KCNB2: variants seen among roughly 807,000 people sequenced by gnomAD.
KCNB2 encodes the protein delayed rectifier potassium channel protein.
Under a neutral mutation model 61.5 loss-of-function variants are expected in KCNB2, and 15 were observed. That is an observed-to-expected ratio of 0.24 (90% CI 0.16 to 0.38). The LOEUF is 0.38. Among genes scored for constraint, KCNB2 ranks in the 10% least tolerant of loss-of-function variants. The pLI is 1.00. For missense variants in KCNB2, 828 were observed against 1,125.2 expected (o/e 0.74, Z 3.78); for synonymous variants, 457 against 446.0 (o/e 1.02, Z -0.31).
chr8:72,718,871 T>G (rs1021534612), intron 2 of KCNB2, among the ~76,000 whole-genome samples: 19 of 152,278 alleles, frequency 1.2e-4, no homozygotes, highest in African/African-American at 4.6e-4. Flanking sequence ...CCCCTCTTTC[T>G]TCTGAATAAG....
intron 1 of KCNB2, among the ~76,000 whole-genome samples, chr8:72,561,723 A>ATATATGTGTG: frequency 3.1e-5 from 1 of 31,774 alleles, no homozygotes; most frequent in African/African-American, 2.8e-4. Flanking sequence ...ATATATATAT[A>ATATATGTGTG]TATATCTATA....
At chr8:72,697,969 G>A (rs540308420) in intron 2 of KCNB2, among the ~76,000 whole-genome samples, 1 of 152,152 alleles carries the variant, frequency 6.6e-6, no homozygotes, top group East Asian at 1.9e-4. Context: ...AAGCCCTCCA[G>A]GTGATCCTGA....
At chr8:72,933,962 T>C (rs924692350) in intron 2 of KCNB2, among the ~76,000 whole-genome samples, 5 of 152,320 alleles carry the variant, frequency 3.3e-5, no homozygotes, top group Admixed American at 6.5e-5. Flanking sequence ...AATAAAACAC[T>C]GCACTTTAAG....
At chr8:72,552,799 T>C (rs1204179425) in intron 1 of KCNB2, among the ~76,000 whole-genome samples, 1 of 152,150 alleles carries the variant, frequency 6.6e-6, no homozygotes, top group Non-Finnish European at 1.5e-5. Context: ...TGAAGTATTG[T>C]ACACATGTAG....
intron 2 of KCNB2, among the ~76,000 whole-genome samples, chr8:72,607,224 G>C (rs1264221067): frequency 6.6e-6 from 1 of 152,150 alleles, no homozygotes; most frequent in Non-Finnish European, 1.5e-5. Context: ...AGGAGCAGCA[G>C]TATTGGTGTG....
rs185726130 is a variant in KCNB2, at chr8:72,769,256, G to A, written c.580-166679G>A. Among the ~76,000 whole-genome samples, 323 of 152,018 alleles carry A rather than the reference G, an allele frequency of 2.1e-3. 2 individuals are homozygous for A. The highest frequency in any genetic ancestry group is 7.6e-3 in the African/African-American group (313 of 41,456). ...AAAAGATTCACTGCAAACTAGATAA[G>A]GTGGATATGTATGCTGGACACTGTT... On this transcript the variant is annotated intron_variant, in intron 2 of 2. Coordinates refer to ENST00000523207, the MANE Select transcript of KCNB2 (RefSeq NM_004770.3).
Position 72,764,189 on chromosome 8 carries a change from C to T in KCNB2, c.580-171746C>T, listed in dbSNP as rs181393922. ...CCTGAGAGTTGGCAGAGCACAGTGACGGAGAAAGGCAGGATGGATAAGATG... is the reference window on the plus strand; with the variant it reads ...CCTGAGAGTTGGCAGAGCACAGTGATGGAGAAAGGCAGGATGGATAAGATG... On this transcript the variant is annotated intron_variant, in intron 2 of 2. Coordinates refer to ENST00000523207, the MANE Select transcript of KCNB2 (RefSeq NM_004770.3). Among the ~76,000 whole-genome samples the T allele has an allele frequency of 2.5e-3, 381 of 152,178 alleles. 2 individuals are homozygous for T. Among genetic ancestry groups the T allele is most frequent in the African/African-American group, 8.9e-3 (368 of 41,496 alleles).
At chr8:72,664,281 T>G (rs770419960) in intron 2 of KCNB2, among the ~76,000 whole-genome samples, 1 of 152,154 alleles carries the variant, frequency 6.6e-6, no homozygotes, top group African/African-American at 2.4e-5. Context: ...AGGGATTACG[T>G]AAAGGTAAAG....
intron 2 of KCNB2, among the ~76,000 whole-genome samples, chr8:72,687,493 T>C (rs973958901): frequency 2.0e-5 from 3 of 152,158 alleles, no homozygotes; most frequent in African/African-American, 7.2e-5. Context: ...GTATGCTTTC[T>C]TGGGGTGGAC....
intron 2 of KCNB2, among the ~76,000 whole-genome samples, chr8:72,929,870 T>C (rs1259472967): frequency 3.3e-5 from 5 of 151,996 alleles, no homozygotes; most frequent in Admixed American, 6.6e-5. Context: ...TACATATGTA[T>C]ACATATGCCA....
At position 72,936,557 on chromosome 8, in the gene KCNB2, G is replaced by T; in HGVS notation, c.1202G>T (p.Cys401Phe). 1 of 1,614,210 alleles carries T rather than the reference G, an allele frequency of 6.2e-7. No homozygotes were observed. The highest frequency in any genetic ancestry group is 8.5e-7 in the Non-Finnish European group (1 of 1,180,028). The change falls in exon 3 of 3, where the codon TGC (cysteine) becomes TTC (phenylalanine). Residue 401 changes from cysteine (C) to phenylalanine (F), a missense_variant. Cys to Phe is a radical substitution (Grantham distance 205, BLOSUM62 -2). Transcript: ENST00000523207. The surrounding 1 kb of genome is among the most constrained non-coding windows in gnomAD (Gnocchi z 5.6). ...TLLGKIVGGL[C>F]CIAGVLVIAL... ...CTAGGGAAAATTGTGGGAGGTCTGT[G>T]CTGTATTGCTGGGGTTCTGGTTATT...
At chr8:72,670,086 C>A (rs748603571) in intron 2 of KCNB2, among the ~76,000 whole-genome samples, 1 of 152,190 alleles carries the variant, frequency 6.6e-6, no homozygotes, top group Non-Finnish European at 1.5e-5. Flanking sequence ...ACAAGACTAT[C>A]TCCAAATTGC....
chr8:72,820,125 C>T (rs1274557171), intron 2 of KCNB2, among the ~76,000 whole-genome samples: 1 of 152,106 alleles, frequency 6.6e-6, no homozygotes, highest in Non-Finnish European at 1.5e-5. Flanking sequence ...CCTCATCAAC[C>T]GCTCATCCCC....
intron 2 of KCNB2, among the ~76,000 whole-genome samples, chr8:72,792,704 G>A (rs575468104): frequency 1.5e-3 from 226 of 152,286 alleles, no homozygotes; most frequent in Admixed American, 3.3e-3. Context: ...GGTACAACTA[G>A]AGTTGGAAAC....
At chr8:72,602,923 T>C (rs1805376341) in intron 2 of KCNB2, among the ~76,000 whole-genome samples, 1 of 151,830 alleles carries the variant, frequency 6.6e-6, no homozygotes, top group Non-Finnish European at 1.5e-5. Flanking sequence ...AATGAATTAG[T>C]CAACTTAGTT....
At chr8:72,808,476 GA>G (rs894455005) in intron 2 of KCNB2, among the ~76,000 whole-genome samples, 5 of 152,138 alleles carry the variant, frequency 3.3e-5, no homozygotes, top group African/African-American at 4.8e-5. Flanking sequence ...TTTCTTGAAT[GA>G]AAACTGTTCA....
At chr8:72,715,311 C>T (rs188915461) in intron 2 of KCNB2, among the ~76,000 whole-genome samples, 1 of 152,242 alleles carries the variant, frequency 6.6e-6, no homozygotes, top group African/African-American at 2.4e-5. Flanking sequence ...CCAAGCAGAC[C>T]TAATAGACAT....
intron 2 of KCNB2, among the ~76,000 whole-genome samples, chr8:72,636,946 G>A (rs995339302): frequency 6.6e-6 from 1 of 152,088 alleles, no homozygotes; most frequent in Non-Finnish European, 1.5e-5. Flanking sequence ...CCAAATCAGA[G>A]GCAGCCCCAC....
chr8:72,888,524 C>T (rs1403262592), intron 2 of KCNB2, among the ~76,000 whole-genome samples: 2 of 152,182 alleles, frequency 1.3e-5, no homozygotes, highest in Admixed American at 6.6e-5. Flanking sequence ...AGAAACAAGA[C>T]TGAAGTAAAT....
Sources: gnomAD v4.1 joint callset for allele counts (sites outside exome capture counted in the v4.1 genomes callset) on GRCh38, gnomAD v4.1.1 for gene constraint, Gnocchi (gnomAD v3.1) non-coding constraint, MANE v1.5 for transcripts, NCBI Gene and HGNC (gene_info 2026-07-23, HGNC 2026-07-21) for gene names.